WWOX: variants seen among roughly 807,000 people sequenced by gnomAD.
WWOX encodes WW domain-containing oxidoreductase.
A neutral mutation model predicts 46.2 loss-of-function variants in WWOX; 69 were observed. That is an observed-to-expected ratio of 1.49 (90% CI 1.23 to 1.82). The LOEUF is 1.82. Among genes scored for constraint, WWOX ranks in the 40% most tolerant of loss-of-function variants. The probability of loss-of-function intolerance (pLI) is 0.00; values close to 1 mark genes in which losing one functional copy is unlikely to be tolerated. For synonymous variants in WWOX, 359 were observed against 202.6 expected, an observed-to-expected ratio of 1.77 and a Z score of -6.56; for missense variants, 919 against 542.6, an observed-to-expected ratio of 1.69 and a Z score of -6.89.
intron 8 of WWOX, among the ~76,000 whole-genome samples, chr16:78,909,765 C>T (rs1395948675): frequency 6.6e-6 from 1 of 152,178 alleles, no homozygotes; most frequent in Non-Finnish European, 1.5e-5. Context: ...TTGTTCCATG[C>T]GTCAACTTAG....
At chr16:78,490,743 G>A (rs1597157503) in intron 8 of WWOX, among the ~76,000 whole-genome samples, 1 of 152,140 alleles carries the variant, frequency 6.6e-6, no homozygotes, top group Admixed American at 6.5e-5. Context: ...CTACACAGTG[G>A]TCTTCAGCTA....
At chr16:78,559,640 A>G (rs1007020925) in intron 8 of WWOX, among the ~76,000 whole-genome samples, 2 of 152,232 alleles carry the variant, frequency 1.3e-5, no homozygotes, top group African/African-American at 2.4e-5. Context: ...TTTCCTGTGC[A>G]TATATTTTTG....
In WWOX at chr16:78,330,547, C is replaced by G. The variant is rs561683141; in HGVS notation, c.517-56313C>G. Reference sequence around the variant, plus strand: ...GAGTAGGTGAGACTACAGGCGCATGCCACCACCGCCAGCTAATTTTTGTAT... The same window carrying G: ...GAGTAGGTGAGACTACAGGCGCATGGCACCACCGCCAGCTAATTTTTGTAT... On this transcript the variant is annotated intron_variant, in intron 5 of 8. Coordinates refer to ENST00000566780, the MANE Select transcript of WWOX (RefSeq NM_016373.4). Among the ~76,000 whole-genome samples, 12 of 152,318 alleles carry G rather than the reference C, an allele frequency of 7.9e-5. No homozygotes were observed. The East Asian group carries it at 1.7e-3, about 22-fold the overall frequency.
chr16:78,714,407 T>C (rs1190152628), intron 8 of WWOX, among the ~76,000 whole-genome samples: 1 of 152,028 alleles, frequency 6.6e-6, no homozygotes, highest in Non-Finnish European at 1.5e-5. Flanking sequence ...ACTTATTCAC[T>C]GTCACGAGAA....
At chr16:78,469,703 G>A (rs916232328) in intron 8 of WWOX, among the ~76,000 whole-genome samples, 5 of 152,270 alleles carry the variant, frequency 3.3e-5, no homozygotes, top group African/African-American at 1.2e-4. Flanking sequence ...GGACAACCAG[G>A]CTGGGCCATG....
intron 8 of WWOX, among the ~76,000 whole-genome samples, chr16:78,854,740 C>T (rs2052528418): frequency 6.6e-6 from 1 of 151,860 alleles, no homozygotes; most frequent in African/African-American, 2.4e-5. Context: ...GCCACCACTC[C>T]CAGCTACTTT....
At chr16:78,726,987 T>G (rs78025458) in intron 8 of WWOX, among the ~76,000 whole-genome samples, 1 of 152,314 alleles carries the variant, frequency 6.6e-6, no homozygotes, top group East Asian at 1.9e-4. Flanking sequence ...GTGCTTTTCC[T>G]TTTTCCTGAG....
intron 8 of WWOX, among the ~76,000 whole-genome samples, chr16:78,922,133 G>A (rs2045393329): frequency 6.6e-6 from 1 of 152,130 alleles, no homozygotes; most frequent in Non-Finnish European, 1.5e-5. Flanking sequence ...TCGTTGCGTA[G>A]GTGTGATTGG....
intron 8 of WWOX, among the ~76,000 whole-genome samples, chr16:78,623,160 C>G (rs1436903788): frequency 6.6e-6 from 1 of 151,562 alleles, no homozygotes; most frequent in Non-Finnish European, 1.5e-5. Context: ...GAGAACCCAG[C>G]TCAGCCATGC....
intron 8 of WWOX, among the ~76,000 whole-genome samples, chr16:78,470,288 A>G (rs566445601): frequency 6.6e-6 from 1 of 152,164 alleles, no homozygotes; most frequent in Non-Finnish European, 1.5e-5. Flanking sequence ...AGGCTAGGAA[A>G]CAGAGCATAA....
intron 5 of WWOX, among the ~76,000 whole-genome samples, chr16:78,284,302 C>T (rs772760274): frequency 8.5e-5 from 13 of 152,132 alleles, no homozygotes; most frequent in Admixed American, 2.0e-4. Flanking sequence ...AAGGTGGCTC[C>T]GATTCTCAAA....
chr16:78,380,041 G>A (rs986316781), intron 5 of WWOX, among the ~76,000 whole-genome samples: 1 of 152,190 alleles, frequency 6.6e-6, no homozygotes, highest in African/African-American at 2.4e-5. Flanking sequence ...CCTTATTTGG[G>A]ACATGGTGTA....
At chr16:78,304,122 A>G (rs2080091573) in intron 5 of WWOX, among the ~76,000 whole-genome samples, 1 of 151,824 alleles carries the variant, frequency 6.6e-6, no homozygotes, top group African/African-American at 2.4e-5. Flanking sequence ...CTGAGTCATG[A>G]CCTCCCCAAA....
At chr16:79,120,171 G>A (rs1597392254) in intron 8 of WWOX, among the ~76,000 whole-genome samples, 4 of 152,138 alleles carry the variant, frequency 2.6e-5, no homozygotes, top group Admixed American at 1.3e-4. Context: ...TTTTCCATAC[G>A]GCCTGTGAGG....
At chr16:78,957,794 G>C (rs142001377) in intron 8 of WWOX, among the ~76,000 whole-genome samples, 23 of 152,314 alleles carry the variant, frequency 1.5e-4, no homozygotes, top group Admixed American at 6.5e-4. Flanking sequence ...CTCTTGTCCT[G>C]TTTTAATCTC....
chr16:78,586,648 A>T (rs1373716217), intron 8 of WWOX, among the ~76,000 whole-genome samples: 1 of 152,218 alleles, frequency 6.6e-6, no homozygotes, highest in Non-Finnish European at 1.5e-5. Context: ...AATAATGAGC[A>T]TTTATTAAGT....
At chr16:78,430,844 A>T (rs138122919) in intron 7 of WWOX, among the ~76,000 whole-genome samples, 25 of 152,304 alleles carry the variant, frequency 1.6e-4, no homozygotes, top group African/African-American at 4.3e-4. Flanking sequence ...TTCCATTAAA[A>T]CATGAATTTC....
chr16:78,151,332 A>C (rs1247330836), intron 4 of WWOX, among the ~76,000 whole-genome samples: 1 of 152,126 alleles, frequency 6.6e-6, no homozygotes, highest in African/African-American at 2.4e-5. Context: ...AAGTCAGGCT[A>C]CCATGCCCAT....
intron 8 of WWOX, among the ~76,000 whole-genome samples, chr16:78,924,426 A>T (rs1408790114): frequency 6.6e-6 from 1 of 152,226 alleles, no homozygotes; most frequent in Non-Finnish European, 1.5e-5. Flanking sequence ...GACTAATGGC[A>T]GAATGGAAAG....
Sources: gnomAD v4.1 joint callset for allele counts (sites outside exome capture counted in the v4.1 genomes callset) on GRCh38, gnomAD v4.1.1 for gene constraint, MANE v1.5 for transcripts, NCBI Gene and HGNC (gene_info 2026-07-23, HGNC 2026-07-21) for gene names.